Variants in WASHC2A observed in about 807,000 individuals in gnomAD.
The protein encoded by WASHC2A is WASH complex subunit 2A, also known as WASH complex subunit FAM21A.
In WASHC2A, 82 loss-of-function variants were observed where a neutral mutation model predicts 140.3. The observed-to-expected ratio is 0.58, with a 90% CI of 0.49 to 0.70. The LOEUF (loss-of-function observed/expected upper bound fraction) is 0.70, where lower values mean the gene tolerates loss of function less well. WASHC2A is among the 30% of genes least tolerant of loss of function. The pLI, the probability that WASHC2A is intolerant of heterozygous loss-of-function variation, is 0.00. For missense variants in WASHC2A, 985 were observed against 1,521.8 expected, an observed-to-expected ratio of 0.65 and a Z score of 5.87; for synonymous variants, 340 against 560.8, an observed-to-expected ratio of 0.61 and a Z score of 5.56.
At chr10:50,107,604 G>A (rs1193195470) in intron 19 of WASHC2A, among the ~76,000 whole-genome samples, 1 of 134,408 alleles carries the variant, frequency 7.4e-6, no homozygotes, top group African/African-American at 3.1e-5. Context: ...AAATTCCGAA[G>A]CAGATTGCAA....
intron 20 of WASHC2A, among the ~76,000 whole-genome samples, chr10:50,111,839 C>T (rs1842314161): frequency 6.6e-6 from 1 of 152,076 alleles, no homozygotes. Context: ...AACAGCCTGA[C>T]CAACATGGTG....
chr10:50,125,751 A>G (rs1206074097), intron 25 of WASHC2A, among the ~76,000 whole-genome samples: 6 of 152,314 alleles, frequency 3.9e-5, no homozygotes, highest in South Asian at 4.1e-4. Flanking sequence ...CACTGGGGTG[A>G]CTAAATATTC....
intron 5 of WASHC2A, among the ~76,000 whole-genome samples, chr10:50,081,673 C>G (rs1281198015): frequency 6.6e-6 from 1 of 151,598 alleles, no homozygotes; most frequent in South Asian, 2.1e-4. Context: ...TCACTCTGTC[C>G]TCCAGGCTGG....
intron 3 of WASHC2A, among the ~76,000 whole-genome samples, chr10:50,073,153 T>G (rs1838014384): frequency 6.6e-6 from 1 of 152,208 alleles, no homozygotes; most frequent in Admixed American, 6.5e-5. Flanking sequence ...CTTAATTATC[T>G]GTTAATTTAG....
chr10:50,112,833 G>T (rs1436976612), intron 20 of WASHC2A, among the ~76,000 whole-genome samples: 1 of 150,218 alleles, frequency 6.7e-6, no homozygotes, highest in Non-Finnish European at 1.5e-5. Flanking sequence ...CCATTTATAT[G>T]AAATGTATAG....
chr10:50,127,923 C>T lies in WASHC2A; in HGVS notation c.3087+128C>T, dbSNP rs907089324. 4.6e-4 allele frequency: 718 copies of T among 1,547,970 alleles called. 3 individuals are homozygous for T. In the Middle Eastern group the frequency reaches 5.1e-3, roughly 11 times the overall value. On this transcript the variant is annotated intron_variant, in intron 28 of 30. Transcript: ENST00000282633. ...CTTTTGAAGGAGGTGCCTCATCCTT[C>T]CTTCAGCCACTCCCCACTCCATTCT... is the stretch of plus-strand genomic sequence containing the variant.
intron 16 of WASHC2A, among the ~76,000 whole-genome samples, chr10:50,098,623 AT>A (rs1290716290): frequency 1.8e-4 from 15 of 84,860 alleles, no homozygotes; most frequent in Admixed American, 2.7e-4. Context: ...TTATGTTTTG[AT>A]TTTTTTTTTG....
rs1232756697 is a variant in WASHC2A, at chr10:50,081,309, C to T, written c.528+378C>T. Among the ~76,000 whole-genome samples the T allele has an allele frequency of 2.2e-5, 3 of 135,380 alleles. No individual in the cohort carries two copies. In the Admixed American group the frequency reaches 2.4e-4, roughly 11 times the overall value. The allele number at this position is 135,380 out of a possible 152,430, so 88.8% of individuals were successfully genotyped here. ...AATTGGGGTTTGAAGGGTGGGGAGG[C>T]TCAAAAGAGACAGAGAGTGTTGGGA... On this transcript the variant is annotated intron_variant, in intron 5 of 30. Transcript: ENST00000282633.
intron 30 of WASHC2A, among the ~76,000 whole-genome samples, chr10:50,131,365 C>G (rs1218668306): frequency 1.3e-5 from 2 of 152,024 alleles, no homozygotes; most frequent in Non-Finnish European, 2.9e-5. Flanking sequence ...TGTGACACAC[C>G]CCGGTGTTAT....
intron 3 of WASHC2A, among the ~76,000 whole-genome samples, chr10:50,073,476 A>G (rs1838040147): frequency 6.7e-6 from 1 of 148,926 alleles, no homozygotes; most frequent in Non-Finnish European, 1.5e-5. Context: ...GTTGATTTAT[A>G]AAAGCTGAAT....
Position 50,099,970 on chromosome 10 carries a change from C to G in WASHC2A, c.1549-8C>G, listed in dbSNP as rs782740107. ...TCTTCCCCACCCCCCCCCCCACCCC[C>G]GACAAAGGTTACCTTATCTTCCAGC... is the stretch of plus-strand genomic sequence containing the variant. On this transcript the variant is annotated splice_region_variant and splice_polypyrimidine_tract_variant and intron_variant, in intron 16 of 30. Coordinates refer to ENST00000282633, the MANE Select transcript of WASHC2A (RefSeq NM_001005751.3). 8.8e-6 allele frequency: 13 copies of G among 1,484,334 alleles called. No homozygotes were observed. The African/African-American group carries it at 1.8e-4, about 21-fold the overall frequency. 91.9% of individuals were successfully genotyped at this position (1,484,334 alleles called of 1,614,324 possible). A position where few individuals can be genotyped will look rare whatever the true frequency, so the allele number is the denominator to read the frequency against.
chr10:50,073,509 T>C (rs1214825669), intron 3 of WASHC2A, among the ~76,000 whole-genome samples: 4 of 138,286 alleles, frequency 2.9e-5, no homozygotes, highest in African/African-American at 1.1e-4. Flanking sequence ...TCCCTCCTTT[T>C]CTACTTTTCT....
At chr10:50,094,963 A>C (rs541355217) in intron 13 of WASHC2A, among the ~76,000 whole-genome samples, 185 bp from the exon 14 acceptor site, 3 of 152,102 alleles carry the variant, frequency 2.0e-5, no homozygotes, top group African/African-American at 7.2e-5. Context: ...GTTAATCCCC[A>C]AAAAAAAGTC....
rs1346528748 is a variant in WASHC2A at position 50,097,771 on chromosome 10, C to T, written c.1517C>T (p.Thr506Ile). The change falls in exon 16 of 31, where the codon ACA (threonine) becomes ATA (isoleucine). Residue 506 changes from threonine (T) to isoleucine (I), a missense_variant. Physicochemically the swap from Thr to Ile is moderately conservative, Grantham distance 89. Coordinates refer to ENST00000282633, the MANE Select transcript of WASHC2A (RefSeq NM_001005751.3). ...TCGCCAGAAGCCACTGTGAGTCAGA[C>T]AGATGAAAATAAAGCAAGAGCAGAA... The part of the protein sequence containing the change: ...VASPEATVSQ[T>I]DENKARAEKK... 7 of 1,605,036 alleles carry T rather than the reference C, an allele frequency of 4.4e-6. No homozygotes were observed. The highest frequency in any genetic ancestry group is 2.2e-5 in the East Asian group (1 of 44,826).
At chr10:50,078,788 G>GTGGAGAT (rs1192252578) in intron 4 of WASHC2A, 51 bp downstream of exon 4, 2 of 1,611,810 alleles carry the variant, frequency 1.2e-6, no homozygotes, top group African/African-American at 2.7e-5. Flanking sequence ...GAAAAATGTG[G>GTGGAGAT]TGGAGATCGA....
intron 3 of WASHC2A, among the ~76,000 whole-genome samples, chr10:50,071,416 C>T (rs1342605367): frequency 6.6e-6 from 1 of 151,874 alleles, no homozygotes; most frequent in Non-Finnish European, 1.5e-5. Context: ...CGCCATTCTC[C>T]TGCCTCAGCC....
chr10:50,076,529 G>C (rs1322283735), intron 3 of WASHC2A, among the ~76,000 whole-genome samples: 6 of 152,198 alleles, frequency 3.9e-5, no homozygotes, highest in Admixed American at 2.0e-4. Flanking sequence ...AGGAGCCATT[G>C]CTGGCAAAGG....
chr10:50,071,594 G>C (rs1554876249), intron 3 of WASHC2A, among the ~76,000 whole-genome samples: 3 of 151,228 alleles, frequency 2.0e-5, no homozygotes, highest in African/African-American at 7.3e-5. Flanking sequence ...CCTGAGCCAC[G>C]GCGCCCGGCA....
intron 3 of WASHC2A, among the ~76,000 whole-genome samples, chr10:50,076,795 A>G (rs9702351): frequency 6.4e-4 from 95 of 148,636 alleles, no homozygotes; most frequent in African/African-American, 1.5e-3. Context: ...CCTGGCCAAC[A>G]TGGTGAAACC....
Sources: gnomAD v4.1 joint callset for allele counts (sites outside exome capture counted in the v4.1 genomes callset) on GRCh38, gnomAD v4.1.1 for gene constraint, MANE v1.5 for transcripts, NCBI Gene and HGNC (gene_info 2026-07-23, HGNC 2026-07-21) for gene names.